The following NTN4 variants were observed in gnomAD, a reference collection of about 807,000 sequenced individuals.
NTN4 encodes the protein netrin-4.
A neutral mutation model predicts 73.6 loss-of-function variants in NTN4; 32 were observed. The ratio of observed to expected loss-of-function variants is 0.44; its 90% confidence interval spans 0.33 to 0.58. The LOEUF (loss-of-function observed/expected upper bound fraction) is 0.58, where lower values mean the gene tolerates loss of function less well. Ranked by LOEUF, NTN4 falls within the 20% of genes least tolerant of loss-of-function variation. The probability of loss-of-function intolerance (pLI) is 0.04; values close to 1 mark genes in which losing one functional copy is unlikely to be tolerated. For missense variants in NTN4, 654 were observed against 798.3 expected (o/e 0.82, Z 2.18); for synonymous variants, 258 against 287.5 (o/e 0.90, Z 1.04).
intron 3 of NTN4, among the ~76,000 whole-genome samples, chr12:95,728,231 G>A (rs1353398820): frequency 6.6e-6 from 1 of 152,078 alleles, no homozygotes; most frequent in African/African-American, 2.4e-5. Context: ...TATCATTTGT[G>A]AATAAATATA....
Position 95,789,165 on chromosome 12 carries a change from A to C in NTN4, c.55+1090T>G, listed in dbSNP as rs2121313577. Among the ~76,000 whole-genome samples, 1 of 152,342 alleles carries C rather than the reference A, an allele frequency of 6.6e-6. No individual in the cohort carries two copies. Among genetic ancestry groups the C allele is most frequent in the Middle Eastern group, 3.4e-3 (1 of 294 alleles). ...AATACTTGGAGTCACTCAAGGGACT[A>C]TTCAATGATACTAAGGATGCTCCTG... On this transcript the variant is annotated intron_variant, in intron 1 of 9. Coordinates refer to ENST00000343702, the MANE Select transcript of NTN4 (RefSeq NM_021229.4). The surrounding 1 kb of genome is among the most constrained non-coding windows in gnomAD (Gnocchi z 4.0).
chr12:95,758,892 T>G (rs190400084), intron 2 of NTN4, among the ~76,000 whole-genome samples: 121 of 152,310 alleles, frequency 7.9e-4, no homozygotes, highest in Non-Finnish European at 1.4e-3. Context: ...TTACCAGTAT[T>G]TCTCTTTTAC....
chr12:95,722,973 CAAAA>C (rs71087998), intron 3 of NTN4, among the ~76,000 whole-genome samples: 1 of 55,374 alleles, frequency 1.8e-5, no homozygotes, highest in Admixed American at 2.9e-4. Context: ...GACTCTGTCT[CAAAA>C]AAAAAAAAAA....
chr12:95,659,341 G>A, intron 9 of NTN4, 119 bp from the exon 10 acceptor site: 2 of 718,708 alleles, frequency 2.8e-6, no homozygotes, highest in South Asian at 2.4e-5. Context: ...TGTTACCCAG[G>A]CTGGAGTGTA....
intron 7 of NTN4, chr12:95,674,041 C>T (rs1385491350): frequency 1.3e-5 from 2 of 151,976 alleles, no homozygotes; most frequent in African/African-American, 4.8e-5. Flanking sequence ...CCCAGCTACC[C>T]GTGGAGGGGA....
intron 2 of NTN4, among the ~76,000 whole-genome samples, chr12:95,785,924 C>T (rs533201451): frequency 1.3e-5 from 2 of 152,232 alleles, no homozygotes; most frequent in East Asian, 3.9e-4. Flanking sequence ...GGGTGGGGAA[C>T]GCTATTTTGT....
At chr12:95,688,532 G>A (rs886968924) in intron 5 of NTN4, among the ~76,000 whole-genome samples, 10 of 152,090 alleles carry the variant, frequency 6.6e-5, no homozygotes, top group South Asian at 2.1e-4. Context: ...ATGCTTAAAG[G>A]CTATCTTAAA....
intron 2 of NTN4, among the ~76,000 whole-genome samples, chr12:95,742,503 T>C (rs2078833995): frequency 6.6e-6 from 1 of 152,194 alleles, no homozygotes; most frequent in African/African-American, 2.4e-5. Context: ...AGAATCAAAC[T>C]CATATCTTAA....
intron 5 of NTN4, among the ~76,000 whole-genome samples, chr12:95,707,525 C>T (rs2121074066): frequency 6.6e-6 from 1 of 152,288 alleles, no homozygotes; most frequent in Non-Finnish European, 1.5e-5. Context: ...CTTCCCACCC[C>T]AAGCCCTTGG....
chr12:95,707,840 C>T (rs531690951), intron 5 of NTN4, among the ~76,000 whole-genome samples: 2 of 152,250 alleles, frequency 1.3e-5, no homozygotes, highest in Admixed American at 1.3e-4. Flanking sequence ...AAAATGTTAC[C>T]TGTTGCCCTA....
intron 2 of NTN4, among the ~76,000 whole-genome samples, chr12:95,758,596 T>C (rs1039093436): frequency 6.6e-6 from 1 of 152,164 alleles, no homozygotes; most frequent in Non-Finnish European, 1.5e-5. Context: ...GGTTTTGCCC[T>C]GTCGCTTGGG....
At chr12:95,684,393 A>T (rs1410259363) in intron 5 of NTN4, among the ~76,000 whole-genome samples, 1 of 151,798 alleles carries the variant, frequency 6.6e-6, no homozygotes, top group Non-Finnish European at 1.5e-5. Flanking sequence ...CAACTTCTTG[A>T]GCTCAAGCGA....
At chr12:95,742,962 G>T (rs2078837142) in intron 2 of NTN4, among the ~76,000 whole-genome samples, 1 of 152,206 alleles carries the variant, frequency 6.6e-6, no homozygotes, top group Non-Finnish European at 1.5e-5. Context: ...CTCTTGATGA[G>T]AACGATGTGA....
At chr12:95,775,809 T>C (rs538210837) in intron 2 of NTN4, among the ~76,000 whole-genome samples, 1 of 152,342 alleles carries the variant, frequency 6.6e-6, no homozygotes, top group East Asian at 1.9e-4. Flanking sequence ...TAAATGTCCC[T>C]GTCTGACAGC....
chr12:95,658,123 C>T lies in NTN4; in HGVS notation c.*963G>A, dbSNP rs1304088907. ...CAAGGAGGAAAACTGTTTCAATGTT[C>T]AGGTTTAAATACTAAGCACAAAAAT... On this transcript the variant is annotated 3_prime_UTR_variant, in exon 10 of 10. Transcript: ENST00000343702. 6.6e-6 allele frequency: 1 copy of T among 152,228 alleles called. No individual in the cohort carries two copies. Among genetic ancestry groups the T allele is most frequent in the Non-Finnish European group, 1.5e-5 (1 of 68,032 alleles). 9.4% of individuals were successfully genotyped at this position (152,228 alleles called of 1,614,324 possible).
chr12:95,756,438 G>A (rs2078947620), intron 2 of NTN4, among the ~76,000 whole-genome samples: 1 of 152,164 alleles, frequency 6.6e-6, no homozygotes, highest in Admixed American at 6.5e-5. Flanking sequence ...TGATTGGTGT[G>A]TCGCTTTTTG....
intron 7 of NTN4, among the ~76,000 whole-genome samples, chr12:95,682,056 G>GTTTTTT (rs1349857597): frequency 4.9e-3 from 184 of 37,830 alleles, no homozygotes; most frequent in Middle Eastern, 0.029. Flanking sequence ...TATTCAGTAG[G>GTTTTTT]CTTTTTTTTT....
chr12:95,732,054 A>T (rs1314278809), intron 3 of NTN4, among the ~76,000 whole-genome samples: 1 of 152,210 alleles, frequency 6.6e-6, no homozygotes, highest in African/African-American at 2.4e-5. Flanking sequence ...CTAAAACCGA[A>T]AACTAATTTA....
At chr12:95,758,530 C>T (rs1483513554) in intron 2 of NTN4, among the ~76,000 whole-genome samples, 1 of 152,120 alleles carries the variant, frequency 6.6e-6, no homozygotes, top group Non-Finnish European at 1.5e-5. Flanking sequence ...TTAACACTTT[C>T]CTTAACAGTG....
Sources: gnomAD v4.1 joint callset for allele counts (sites outside exome capture counted in the v4.1 genomes callset) on GRCh38, gnomAD v4.1.1 for gene constraint, Gnocchi (gnomAD v3.1) non-coding constraint, MANE v1.5 for transcripts, NCBI Gene and HGNC (gene_info 2026-07-23, HGNC 2026-07-21) for gene names.